ADAM12: variants seen among roughly 807,000 people sequenced by gnomAD.
The protein encoded by ADAM12 is ADAM metallopeptidase domain 12.
Under a neutral mutation model 106.4 loss-of-function variants are expected in ADAM12, and 70 were observed. That is an observed-to-expected ratio of 0.66 (90% CI 0.54 to 0.80). ADAM12 has a LOEUF of 0.80. ADAM12 is among the 30% of genes least tolerant of loss of function. ADAM12 has a pLI of 0.00. For synonymous variants in ADAM12, 420 were observed against 433.5 expected (o/e 0.97, Z 0.39); for missense variants, 1,010 against 1,171.9 (o/e 0.86, Z 2.02).
At position 126,014,453 on chromosome 10, in the gene ADAM12, A is replaced by G. The variant is rs1953625373; in HGVS notation, c.*2826T>C. On this transcript the variant is annotated 3_prime_UTR_variant, in exon 23 of 23. Transcript: ENST00000448723. ...CCCCCCCCCGAGACTCGTCAGGAGT[A>G]TTGACTCTCCTACAGTTTAATTTGC... 1 of 140,872 alleles carries G rather than the reference A, an allele frequency of 7.1e-6. No homozygotes were observed. The allele number at this position is 140,872 out of a possible 1,614,324, so 8.7% of individuals were successfully genotyped here.
chr10:126,067,623 A>G (rs1022558900), intron 12 of ADAM12, among the ~76,000 whole-genome samples: 2 of 152,262 alleles, frequency 1.3e-5, no homozygotes, highest in Non-Finnish European at 2.9e-5. Context: ...AAAGGCCTGC[A>G]CGCATTTATC....
chr10:126,188,133 G>A (rs1280524515), intron 3 of ADAM12, among the ~76,000 whole-genome samples: 2 of 152,238 alleles, frequency 1.3e-5, no homozygotes, highest in South Asian at 2.1e-4. Context: ...ACTGTTTGCT[G>A]TCCTCTTCCT....
chr10:126,342,602 T>G (rs1854968277), intron 1 of ADAM12, among the ~76,000 whole-genome samples: 1 of 152,198 alleles, frequency 6.6e-6, no homozygotes, highest in Admixed American at 6.5e-5. Context: ...TTTTAGGAAC[T>G]TCTAAATAAT....
At chr10:126,164,389 C>T (rs539997858) in intron 3 of ADAM12, among the ~76,000 whole-genome samples, 22 of 152,100 alleles carry the variant, frequency 1.4e-4, no homozygotes, top group Non-Finnish European at 2.5e-4. Flanking sequence ...ATTTGGTATT[C>T]GAACAAAGCA....
At position 126,117,900 on chromosome 10, in the gene ADAM12, T is replaced by A. The variant is rs1013466309; in HGVS notation, c.603+138A>T. 4 of 914,556 alleles carry A rather than the reference T, an allele frequency of 4.4e-6. No individual in the cohort carries two copies. The African/African-American group carries it at 6.6e-5, about 15-fold the overall frequency. 56.7% of individuals were successfully genotyped at this position (914,556 alleles called of 1,614,324 possible). A position where few individuals can be genotyped will look rare whatever the true frequency, so the allele number is the denominator to read the frequency against. The stretch of plus-strand genomic sequence containing the variant: ...GTCCCACTGTATAATGTCTACCACC[T>A]CCAGATAAACTGGGCACTTCCATCC... On this transcript the variant is annotated intron_variant, in intron 6 of 22. Coordinates refer to ENST00000448723, the MANE Select transcript of ADAM12 (RefSeq NM_001288973.2).
At chr10:126,128,962 C>T (rs920555274) in intron 5 of ADAM12, among the ~76,000 whole-genome samples, 2 of 151,918 alleles carry the variant, frequency 1.3e-5, no homozygotes, top group African/African-American at 4.9e-5. Context: ...CAAGTGGGAG[C>T]CTGCGCATGT....
intron 3 of ADAM12, among the ~76,000 whole-genome samples, chr10:126,203,750 T>C (rs1018367320): frequency 6.6e-6 from 1 of 152,220 alleles, no homozygotes; most frequent in Non-Finnish European, 1.5e-5. Context: ...AGCAGAACTA[T>C]TTAAAAAAAT....
chr10:126,118,252 T>C (rs1227613739), intron 5 of ADAM12, 28 bp from the exon 6 acceptor site: 5 of 1,559,784 alleles, frequency 3.2e-6, no homozygotes, highest in Admixed American at 1.8e-5. Context: ...AGAAAAAATA[T>C]ATAATTTTAA....
At chr10:126,240,266 A>C (rs1356696307) in intron 3 of ADAM12, among the ~76,000 whole-genome samples, 1 of 152,198 alleles carries the variant, frequency 6.6e-6, no homozygotes, top group Admixed American at 6.5e-5. Context: ...TAAAATATTC[A>C]TTCCACAGCA....
intron 2 of ADAM12, among the ~76,000 whole-genome samples, chr10:126,290,543 C>A (rs1960101824): frequency 6.6e-6 from 1 of 152,200 alleles, no homozygotes; most frequent in South Asian, 2.1e-4. Flanking sequence ...AAAATGCATG[C>A]TTATTACAGA....
intron 3 of ADAM12, among the ~76,000 whole-genome samples, chr10:126,228,951 G>C (rs1473968469): frequency 6.6e-6 from 1 of 152,156 alleles, no homozygotes; most frequent in African/African-American, 2.4e-5. Flanking sequence ...GTGTACAGAG[G>C]GTTGTCAGAC....
intron 3 of ADAM12, among the ~76,000 whole-genome samples, chr10:126,262,037 A>G (rs1313181848): frequency 6.6e-6 from 1 of 152,184 alleles, no homozygotes; most frequent in Non-Finnish European, 1.5e-5. Flanking sequence ...CTGCAGTAGA[A>G]TCTTTGAAAA....
At chr10:126,158,605 G>T (rs1423734096) in intron 3 of ADAM12, among the ~76,000 whole-genome samples, 1 of 93,474 alleles carries the variant, frequency 1.1e-5, no homozygotes, top group Non-Finnish European at 2.3e-5. Flanking sequence ...GAGAGCAGAG[G>T]CGGGGAGGAT....
chr10:126,275,176 C>T (rs1429166691), intron 3 of ADAM12, among the ~76,000 whole-genome samples: 1 of 152,150 alleles, frequency 6.6e-6, no homozygotes, highest in Admixed American at 6.5e-5. Flanking sequence ...TCTTCATTAT[C>T]CTAAACTGGA....
chr10:126,019,314 A>G lies in ADAM12; in HGVS notation c.2660+381T>C, dbSNP rs73372577. Among the ~76,000 whole-genome samples the G allele has an allele frequency of 5.0e-3, 757 of 152,290 alleles. 7 individuals are homozygous for G. The highest frequency in any genetic ancestry group is 0.017 in the African/African-American group (691 of 41,562). On this transcript the variant is annotated intron_variant, in intron 22 of 22. Transcript: ENST00000448723. ...TTCTTTAGGAATTACCCAGTCTTCGATATTTCTTTATAGCAATGTGAGAAC... is the reference window on the plus strand; with the variant it reads ...TTCTTTAGGAATTACCCAGTCTTCGGTATTTCTTTATAGCAATGTGAGAAC...
intron 3 of ADAM12, among the ~76,000 whole-genome samples, chr10:126,196,680 T>A (rs2133812673): frequency 6.6e-6 from 1 of 152,252 alleles, no homozygotes; most frequent in South Asian, 2.1e-4. Context: ...CTACAATACA[T>A]AATACACGTG....
intron 18 of ADAM12, chr10:126,042,180 G>A (rs762389144): frequency 1.2e-5 from 19 of 1,613,656 alleles, no homozygotes; most frequent in East Asian, 8.9e-5. Flanking sequence ...GCGATCCCAC[G>A]GGCTCCTGGC....
intron 3 of ADAM12, among the ~76,000 whole-genome samples, chr10:126,202,861 G>C (rs1033520968): frequency 6.6e-6 from 1 of 151,674 alleles, no homozygotes; most frequent in African/African-American, 2.4e-5. Context: ...TTTTTCCGAA[G>C]GTCAAAGTGA....
intron 3 of ADAM12, among the ~76,000 whole-genome samples, chr10:126,163,111 C>CA (rs1316759656): frequency 6.6e-6 from 1 of 152,188 alleles, no homozygotes; most frequent in Non-Finnish European, 1.5e-5. Context: ...GAGGCTTCCC[C>CA]AGAAGCTGAG....
Sources: gnomAD v4.1 joint callset for allele counts (sites outside exome capture counted in the v4.1 genomes callset) on GRCh38, gnomAD v4.1.1 for gene constraint, MANE v1.5 for transcripts, NCBI Gene and HGNC (gene_info 2026-07-23, HGNC 2026-07-21) for gene names.